The following LRRC69 variants were observed in gnomAD, a reference collection of about 807,000 sequenced individuals.
The protein encoded by LRRC69 is leucine-rich repeat-containing protein 69.
LRRC69 carries 42 observed loss-of-function variants against 37.8 expected under a neutral mutation model. The observed-to-expected ratio is 1.11, with a 90% CI of 0.87 to 1.44. LRRC69 has a LOEUF of 1.44. LRRC69 is among the 40% of genes most tolerant of loss of function. The probability of loss-of-function intolerance (pLI) is 0.00; values close to 1 mark genes in which losing one functional copy is unlikely to be tolerated. For missense variants in LRRC69, 357 were observed against 401.9 expected, an observed-to-expected ratio of 0.89 and a Z score of 0.96; for synonymous variants, 141 against 143.1, an observed-to-expected ratio of 0.99 and a Z score of 0.11.
At chr8:91,191,660 G>C (rs1389569447) in intron 6 of LRRC69, among the ~76,000 whole-genome samples, 1 of 152,038 alleles carries the variant, frequency 6.6e-6, no homozygotes, top group Non-Finnish European at 1.5e-5. Context: ...ATGGAGACAG[G>C]GTCATCCTGG....
At chr8:91,143,652 A>G (rs940441976) in intron 5 of LRRC69, among the ~76,000 whole-genome samples, 2 of 152,154 alleles carry the variant, frequency 1.3e-5, no homozygotes, top group East Asian at 1.9e-4. Flanking sequence ...TGGACTATTT[A>G]TGGGAAATCA....
chr8:91,121,277 C>A lies in LRRC69; in HGVS notation c.184-3216C>A, dbSNP rs143221051. ...CTGCTGTACAGATGCCAGGATGATC[C>A]TGTTAAAACACATGTCAAATAATGT... On this transcript the variant is annotated intron_variant, in intron 1 of 7. Transcript: ENST00000448384. 2.6e-5 allele frequency among the ~76,000 whole-genome samples: 4 copies of A among 152,158 alleles called. No individual in the cohort carries two copies. In the East Asian group the frequency reaches 7.7e-4, roughly 29 times the overall value.
chr8:91,197,383 C>T (rs898752353), intron 6 of LRRC69, among the ~76,000 whole-genome samples: 2 of 152,074 alleles, frequency 1.3e-5, no homozygotes, highest in Non-Finnish European at 2.9e-5. Flanking sequence ...GTTCGAGCTT[C>T]CCCGGCTGCT....
At chr8:91,121,061 C>T (rs1019789863) in intron 1 of LRRC69, among the ~76,000 whole-genome samples, 10 of 151,954 alleles carry the variant, frequency 6.6e-5, no homozygotes, top group Admixed American at 5.9e-4. Flanking sequence ...TTAGGTGCTA[C>T]TCATGATTCT....
intron 5 of LRRC69, chr8:91,158,126 G>C: frequency 6.3e-7 from 1 of 1,586,054 alleles, no homozygotes; most frequent in Non-Finnish European, 8.6e-7. Flanking sequence ...AGCATTACCA[G>C]GTGAAACTCT....
At chr8:91,150,524 A>T (rs934535884) in intron 5 of LRRC69, among the ~76,000 whole-genome samples, 1 of 152,006 alleles carries the variant, frequency 6.6e-6, no homozygotes, top group Middle Eastern at 3.2e-3. Flanking sequence ...AATGTTCATC[A>T]GGGATATTGG....
In LRRC69 at chr8:91,186,236, A is replaced by G. The variant is rs550673369; in HGVS notation, c.652-3286A>G. The stretch of plus-strand genomic sequence containing the variant: ...TGAGCTTGCATTAGTCACGTAAGTC[A>G]TAGTGTTTAAAGAGACCAAAGCCTG... On this transcript the variant is annotated intron_variant, in intron 5 of 7. Transcript: ENST00000448384. Among the ~76,000 whole-genome samples the G allele has an allele frequency of 1.8e-4, 27 of 152,330 alleles. No individual in the cohort carries two copies. The South Asian group carries it at 5.2e-3, about 29-fold the overall frequency.
At chr8:91,125,608 GC>G (rs1181746150) in intron 2 of LRRC69, among the ~76,000 whole-genome samples, 1 of 151,746 alleles carries the variant, frequency 6.6e-6, no homozygotes, top group Non-Finnish European at 1.5e-5. Flanking sequence ...TTAAGGTCAT[GC>G]AAATCAATAG....
chr8:91,190,055 G>A (rs1311199849), intron 6 of LRRC69, among the ~76,000 whole-genome samples: 2 of 152,166 alleles, frequency 1.3e-5, no homozygotes, highest in Admixed American at 6.6e-5. Flanking sequence ...AGAAGGAACA[G>A]GAAAGCATAT....
At position 91,104,715 on chromosome 8, in the gene LRRC69, G is replaced by A. The variant is rs545423584; in HGVS notation, c.183+1871G>A. On this transcript the variant is annotated intron_variant, in intron 1 of 7. Transcript: ENST00000448384. ...GTTGCTCTCTTAAATTGGACCCACT[G>A]TTTCCTGTATCCTGTATTTTCCTTT... Among the ~76,000 whole-genome samples, 20 of 152,038 alleles carry A rather than the reference G, an allele frequency of 1.3e-4. No individual in the cohort carries two copies. In the South Asian group the frequency reaches 3.3e-3, roughly 25 times the overall value.
rs1586273942 is a variant in LRRC69, at chr8:91,188,036, A to G, written c.652-1486A>G. ...TACATAGAATGAAGCACAAGGAATA[A>G]CCCTTCTCATTTCAGCACACTGAGT... On this transcript the variant is annotated intron_variant, in intron 5 of 7. Transcript: ENST00000448384. 3.9e-5 allele frequency among the ~76,000 whole-genome samples: 6 copies of G among 152,232 alleles called. No individual in the cohort carries two copies. The South Asian group carries it at 1.2e-3, about 32-fold the overall frequency.
At chr8:91,119,854 C>G (rs1326025842) in intron 1 of LRRC69, among the ~76,000 whole-genome samples, 1 of 151,950 alleles carries the variant, frequency 6.6e-6, no homozygotes, top group Non-Finnish European at 1.5e-5. Context: ...TTCCTACTAC[C>G]CTTGATGAAG....
intron 3 of LRRC69, among the ~76,000 whole-genome samples, chr8:91,129,578 A>C (rs921014206): frequency 1.3e-5 from 2 of 151,928 alleles, no homozygotes; most frequent in African/African-American, 4.8e-5. Context: ...AATGATTATA[A>C]AAATGATTAA....
intron 7 of LRRC69, among the ~76,000 whole-genome samples, chr8:91,204,866 C>G (rs1280404377): frequency 6.6e-6 from 1 of 152,222 alleles, no homozygotes; most frequent in Non-Finnish European, 1.5e-5. Flanking sequence ...TGAGGTTCAA[C>G]AAGGACAACT....
intron 5 of LRRC69, among the ~76,000 whole-genome samples, chr8:91,175,517 T>C (rs1225169443): frequency 6.6e-6 from 1 of 152,156 alleles, no homozygotes; most frequent in Non-Finnish European, 1.5e-5. Context: ...AGTGTATGAT[T>C]AGGCCAACCC....
chr8:91,149,123 A>G (rs79503650), intron 5 of LRRC69, among the ~76,000 whole-genome samples: 7,337 of 150,816 alleles, frequency 0.049, 256 homozygotes, highest in Middle Eastern at 0.15. Context: ...TTTTGTTGCC[A>G]TTGCTTTTGG....
chr8:91,133,362 G>A, intron 4 of LRRC69, 57 bp downstream of exon 4: 2 of 1,294,092 alleles, frequency 1.5e-6, no homozygotes, highest in Non-Finnish European at 2.1e-6. Context: ...CAACATGATG[G>A]GAGGTGGTTA....
At chr8:91,208,310 A>G (rs1168202852) in intron 7 of LRRC69, among the ~76,000 whole-genome samples, 3 of 152,146 alleles carry the variant, frequency 2.0e-5, no homozygotes, top group African/African-American at 2.4e-5. Flanking sequence ...AATTGTTTAT[A>G]TAAGTGAGAC....
At chr8:91,121,136 C>T (rs940870487) in intron 1 of LRRC69, among the ~76,000 whole-genome samples, 3 of 151,952 alleles carry the variant, frequency 2.0e-5, no homozygotes, top group African/African-American at 7.2e-5. Context: ...AACCCATCCA[C>T]GTCTCTCCAG....
Sources: gnomAD v4.1 joint callset for allele counts (sites outside exome capture counted in the v4.1 genomes callset) on GRCh38, gnomAD v4.1.1 for gene constraint, MANE v1.5 for transcripts, NCBI Gene and HGNC (gene_info 2026-07-23, HGNC 2026-07-21) for gene names.